BRWD1: variants seen among roughly 807,000 people sequenced by gnomAD.
BRWD1 encodes bromodomain and WD repeat domain containing 1.
BRWD1 carries 82 observed loss-of-function variants against 251.2 expected under a neutral mutation model. The ratio of observed to expected loss-of-function variants is 0.33; its 90% CI spans 0.27 to 0.39. The LOEUF is 0.39. Ranked by LOEUF, BRWD1 falls within the 10% of genes least tolerant of loss-of-function variation. The pLI is 1.00. For missense variants in BRWD1, 2,233 were observed against 2,711.6 expected (o/e 0.82, Z 3.92); for synonymous variants, 918 against 902.8 (o/e 1.02, Z -0.30).
At chr21:39,217,070 TATATATA>T (rs2032966750) in intron 31 of BRWD1, 2 of 10,394 alleles carry the variant, frequency 1.9e-4, no homozygotes, top group African/African-American at 3.7e-4. Flanking sequence ...TATATATATA[TATATATA>T]TATATATTTT....
chr21:39,286,221 T>C (rs901248289), intron 8 of BRWD1, among the ~76,000 whole-genome samples: 7 of 152,074 alleles, frequency 4.6e-5, no homozygotes, highest in African/African-American at 1.4e-4. Context: ...GGTTTCACCA[T>C]GTTAGCCAGG....
At chr21:39,271,366 G>T (rs1399292292) in intron 13 of BRWD1, among the ~76,000 whole-genome samples, 1 of 151,204 alleles carries the variant, frequency 6.6e-6, no homozygotes. Flanking sequence ...AGGCCTAATG[G>T]TTCTGAAATA....
Position 39,202,484 on chromosome 21 carries a change from G to C in BRWD1, c.4426C>G (p.Pro1476Ala), listed in dbSNP as rs2032159895. The change falls in exon 38 of 41, where the codon CCT (proline) becomes GCT (alanine). Residue 1476 changes from proline to alanine, a missense_variant. Transcript: ENST00000342449. ...GTCCTACTTGAGGTAGACTGGGTAG[G>C]AGAACCTACCAACTCAGGAATTATT... The part of the protein sequence containing the change: ...TKIIPELVGS[P>A]TQSTSSRTAY... The C allele has an allele frequency of 3.7e-6, 6 of 1,613,864 alleles. No homozygotes were observed. The Admixed American group carries it at 8.3e-5, about 22-fold the overall frequency.
At chr21:39,235,713 T>G (rs567003511) in intron 23 of BRWD1, 12 of 195,412 alleles carry the variant, frequency 6.1e-5, no homozygotes, top group African/African-American at 2.8e-4. Context: ...GCCTTGAACA[T>G]TTGATTTACA....
chr21:39,215,950 T>C (rs950987032), intron 31 of BRWD1, among the ~76,000 whole-genome samples: 4 of 152,050 alleles, frequency 2.6e-5, no homozygotes, highest in Non-Finnish European at 5.9e-5. Flanking sequence ...CAGTGAGCTA[T>C]CATCATGCCA....
chr21:39,238,117 A>C lies in BRWD1; in HGVS notation c.2576+362T>G, dbSNP rs1455589076. ...AACCAGAGGCTGACATTTTGGACCC[A>C]GGAAATCTGGATCTCAAAACTAACA... On this transcript the variant is annotated intron_variant, in intron 22 of 40. Coordinates refer to ENST00000342449, the MANE Select transcript of BRWD1 (RefSeq NM_033656.4). Among the ~76,000 whole-genome samples the C allele has an allele frequency of 2.6e-5, 4 of 152,162 alleles. 1 individual carries two copies. The highest frequency in any genetic ancestry group is 2.6e-4 in the Admixed American group (4 of 15,278).
At chr21:39,316,040 T>G (rs556830571), upstream of BRWD1, among the ~76,000 whole-genome samples, 1 of 152,252 alleles carries the variant, frequency 6.6e-6, no homozygotes, top group Admixed American at 6.5e-5. Flanking sequence ...GATGGGACCA[T>G]GATGTCAGAA....
rs577231082 is a variant in BRWD1 at position 39,308,505 on chromosome 21, A to C, written c.198+4336T>G. Among the ~76,000 whole-genome samples the C allele has an allele frequency of 3.3e-5, 5 of 151,924 alleles. No individual in the cohort carries two copies. In the East Asian group the frequency reaches 9.7e-4, roughly 29 times the overall value. On this transcript the variant is annotated intron_variant, in intron 4 of 40. Coordinates refer to ENST00000342449, the MANE Select transcript of BRWD1 (RefSeq NM_033656.4). ...TCAAAAAAAAAAAAAAAAAAAAGCAAAAGTACCAAAAATACTCTTGCCCCC... is the reference window on the plus strand; with the variant it reads ...TCAAAAAAAAAAAAAAAAAAAAGCACAAGTACCAAAAATACTCTTGCCCCC...
At chr21:39,283,956 T>C (rs1407394609) in intron 8 of BRWD1, among the ~76,000 whole-genome samples, 2 of 152,222 alleles carry the variant, frequency 1.3e-5, no homozygotes, top group South Asian at 4.1e-4. Flanking sequence ...ATTTTAGGAT[T>C]CCGTGCTACA....
At chr21:39,215,213 C>A in intron 32 of BRWD1, 24 bp downstream of exon 32, 1 of 1,606,210 alleles carries the variant, frequency 6.2e-7, no homozygotes. Flanking sequence ...GTCACTTTTA[C>A]ACAACATCTA....
chr21:39,204,628 TTCTCTACATAGCAG>T (rs1211697967), intron 37 of BRWD1, among the ~76,000 whole-genome samples: 17 of 152,322 alleles, frequency 1.1e-4, no homozygotes, highest in Admixed American at 1.1e-3. Flanking sequence ...AATCACATTA[TTCTCTACATAGCAG>T]TCCCCAAGCT....
intron 13 of BRWD1, among the ~76,000 whole-genome samples, chr21:39,272,245 T>C (rs1601431681): frequency 6.7e-6 from 1 of 150,128 alleles, no homozygotes; most frequent in Admixed American, 6.7e-5. Flanking sequence ...CCATCCTGGT[T>C]GCACATGTAT....
At chr21:39,311,115 G>GT (rs1196340732) in intron 4 of BRWD1, among the ~76,000 whole-genome samples, 1 of 151,680 alleles carries the variant, frequency 6.6e-6, no homozygotes, top group Non-Finnish European at 1.5e-5. Flanking sequence ...TTAAACAATA[G>GT]TAAGTAGGGT....
intron 27 of BRWD1, among the ~76,000 whole-genome samples, chr21:39,225,650 C>A (rs1188078273): frequency 6.6e-6 from 1 of 152,062 alleles, no homozygotes; most frequent in African/African-American, 2.4e-5. Flanking sequence ...TACAATTTAT[C>A]CCCAAGAAAG....
In BRWD1 at chr21:39,186,963, G is replaced by A. The variant is rs1354889806; in HGVS notation, c.*9296C>T. On this transcript the variant is annotated 3_prime_UTR_variant, in exon 41 of 41. Transcript: ENST00000342449. ...GTAATTTTAGAGCTGGGAGCAGAAT[G>A]TAACTGCCAGTTTACTTGTGTACCA... 9 of 1,503,190 alleles carry A rather than the reference G, an allele frequency of 6.0e-6. No individual in the cohort carries two copies. Among genetic ancestry groups the A allele is most frequent in the African/African-American group, 5.6e-5 (4 of 70,976 alleles). The allele number at this position is 1,503,190 out of a possible 1,614,324, so 93.1% of individuals were successfully genotyped here.
upstream of BRWD1, among the ~76,000 whole-genome samples, chr21:39,317,599 T>C (rs998896657): frequency 4.1e-4 from 62 of 152,254 alleles, no homozygotes; most frequent in Non-Finnish European, 3.4e-4. Flanking sequence ...TGGCCACGTT[T>C]CACAAAAGAG....
intron 13 of BRWD1, among the ~76,000 whole-genome samples, chr21:39,273,468 A>C (rs1250530406): frequency 6.6e-6 from 1 of 152,226 alleles, no homozygotes; most frequent in Admixed American, 6.5e-5. Flanking sequence ...CAGAGAATAT[A>C]AGTCAATTTC....
upstream of BRWD1, among the ~76,000 whole-genome samples, chr21:39,316,861 C>CGGG (rs144266291): frequency 1.6e-4 from 25 of 151,774 alleles, no homozygotes; most frequent in Admixed American, 3.3e-4. Context: ...TGGCTAGAGC[C>CGGG]GGGGGGGATT....
chr21:39,282,492 A>T (rs922343096), intron 8 of BRWD1, among the ~76,000 whole-genome samples: 6 of 152,188 alleles, frequency 3.9e-5, no homozygotes, highest in African/African-American at 1.4e-4. Flanking sequence ...TAGTAGTTGG[A>T]TATTTTTGTT....
Sources: gnomAD v4.1 joint callset for allele counts (sites outside exome capture counted in the v4.1 genomes callset) on GRCh38, gnomAD v4.1.1 for gene constraint, MANE v1.5 for transcripts, NCBI Gene and HGNC (gene_info 2026-07-23, HGNC 2026-07-21) for gene names.